Variants in CD38 observed in about 807,000 individuals in gnomAD.
CD38 encodes the protein CD38 molecule.
Under a neutral mutation model 36.3 loss-of-function variants are expected in CD38, and 31 were observed. That is an observed-to-expected ratio of 0.85 (90% CI 0.64 to 1.15). CD38 has a LOEUF of 1.15. CD38 is among the 50% of genes most tolerant of loss of function. The pLI, the probability that CD38 is intolerant of heterozygous loss-of-function variation, is 0.00. For missense variants in CD38, 380 were observed against 371.9 expected (o/e 1.02, Z -0.18); for synonymous variants, 131 against 135.2 (o/e 0.97, Z 0.22).
intron 1 of CD38, among the ~76,000 whole-genome samples, chr4:15,810,665 T>G (rs1295212059): frequency 6.6e-6 from 1 of 152,198 alleles, no homozygotes; most frequent in Non-Finnish European, 1.5e-5. Flanking sequence ...AGGTTGATAA[T>G]GGTTTCCTGG....
chr4:15,787,117 C>T (rs1040710923), intron 1 of CD38, among the ~76,000 whole-genome samples: 1 of 152,210 alleles, frequency 6.6e-6, no homozygotes, highest in Non-Finnish European at 1.5e-5. Context: ...CAGAGGGAGC[C>T]GACTCCGGCC....
chr4:15,814,870 G>A (rs1421193121), intron 1 of CD38, among the ~76,000 whole-genome samples: 4 of 151,214 alleles, frequency 2.6e-5, no homozygotes, highest in Non-Finnish European at 4.4e-5. Flanking sequence ...GCAGTGGCAC[G>A]ATCTCGGCTC....
chr4:15,834,261 A>C lies in CD38; in HGVS notation c.544A>C (p.Asn182His), dbSNP rs747378929. The change falls in exon 4 of 8, where the codon AAC becomes CAC. Residue 182 changes from asparagine to histidine, a missense_variant. By Grantham distance (68) the Asn-to-His change is moderately conservative. Coordinates refer to ENST00000226279, the MANE Select transcript of CD38 (RefSeq NM_001775.4). ...CCCAGACTGGAGAAAGGACTGCAGC[A>C]ACAACCCTGTTTCAGTATTCTGGAA... is the stretch of plus-strand genomic sequence containing the variant. ...SCPDWRKDCS[N>H]NPVSVFWKTV... is the part of the protein sequence containing the mutation. 6.2e-7 allele frequency: 1 copy of C among 1,613,304 alleles called. No individual in the cohort carries two copies. Among genetic ancestry groups the C allele is most frequent in the Non-Finnish European group, 8.5e-7 (1 of 1,179,192 alleles).
Position 15,841,707 on chromosome 4 carries a change from C to G in CD38, c.839+1169C>G, listed in dbSNP as rs920420789. Among the ~76,000 whole-genome samples, 53 of 149,188 alleles carry G rather than the reference C, an allele frequency of 3.6e-4. 1 individual carries two copies. Among genetic ancestry groups the G allele is most frequent in the Non-Finnish European group, 6.8e-4 (46 of 67,668 alleles). ...GGCGCAGGCCAGTGTGTGTGCACAC[C>G]GTGCGCGAGCCGAAGCAGGGCGAGG... On this transcript the variant is annotated intron_variant, in intron 7 of 7. Coordinates refer to ENST00000226279, the MANE Select transcript of CD38 (RefSeq NM_001775.4).
chr4:15,831,911 CAAT>C (rs1248537528), intron 3 of CD38, among the ~76,000 whole-genome samples: 4 of 152,140 alleles, frequency 2.6e-5, no homozygotes, highest in African/African-American at 9.7e-5. Context: ...TCTTTGACAC[CAAT>C]AACTCTTGGA....
intron 1 of CD38, among the ~76,000 whole-genome samples, chr4:15,811,890 T>C (rs1723482074): frequency 6.6e-6 from 1 of 152,220 alleles, no homozygotes; most frequent in Non-Finnish European, 1.5e-5. Context: ...TGGTAAGGTA[T>C]GGTAAGGGTC....
chr4:15,837,842 C>T (rs1027025811), intron 4 of CD38, among the ~76,000 whole-genome samples: 4 of 152,210 alleles, frequency 2.6e-5, no homozygotes, highest in African/African-American at 9.7e-5. Context: ...CACTGAACCA[C>T]CAGCTCTATG....
intron 1 of CD38, among the ~76,000 whole-genome samples, chr4:15,812,177 C>A (rs1010124905): frequency 6.6e-6 from 1 of 152,076 alleles, no homozygotes; most frequent in Non-Finnish European, 1.5e-5. Context: ...TATGCCAGTA[C>A]CAATTATCTT....
At chr4:15,809,474 G>A (rs1180297784) in intron 1 of CD38, among the ~76,000 whole-genome samples, 1 of 152,180 alleles carries the variant, frequency 6.6e-6, no homozygotes, top group Non-Finnish European at 1.5e-5. Context: ...AGAATCGTTT[G>A]GGAGACCTTT....
rs1326713767 is a variant in CD38, at chr4:15,850,970, A to G, written c.*2368A>G. ...CCCTTGAAGTGGCTGCCTGGGCCAC[A>G]TCCCCTTCCAAACAAGAAATCAAAA... On this transcript the variant is annotated 3_prime_UTR_variant, in exon 8 of 8. Coordinates refer to ENST00000226279, the MANE Select transcript of CD38 (RefSeq NM_001775.4). 1 of 152,214 alleles carries G rather than the reference A, an allele frequency of 6.6e-6. No homozygotes were observed. Among genetic ancestry groups the G allele is most frequent in the Non-Finnish European group, 1.5e-5 (1 of 68,058 alleles). 9.4% of individuals were successfully genotyped at this position (152,214 alleles called of 1,614,324 possible).
At chr4:15,800,382 T>A (rs1018618623) in intron 1 of CD38, among the ~76,000 whole-genome samples, 1 of 152,206 alleles carries the variant, frequency 6.6e-6, no homozygotes, top group Non-Finnish European at 1.5e-5. Flanking sequence ...ACCACCAAAC[T>A]GTTTTATAAG....
intron 1 of CD38, among the ~76,000 whole-genome samples, chr4:15,781,646 T>G (rs899668345): frequency 6.6e-6 from 1 of 152,180 alleles, no homozygotes; most frequent in Admixed American, 6.5e-5. Flanking sequence ...CACCACATTA[T>G]GAAGGGTAAC....
At chr4:15,838,997 T>G (rs1369742493) in intron 5 of CD38, among the ~76,000 whole-genome samples, 1 of 152,224 alleles carries the variant, frequency 6.6e-6, no homozygotes, top group Non-Finnish European at 1.5e-5. Flanking sequence ...TGATTACCTT[T>G]TCGGCCTTTG....
chr4:15,803,419 TAAC>T (rs1216733747), intron 1 of CD38, among the ~76,000 whole-genome samples: 2 of 152,110 alleles, frequency 1.3e-5, no homozygotes, highest in Non-Finnish European at 2.9e-5. Context: ...ACAAGGAACT[TAAC>T]AGCAAAAAGC....
chr4:15,786,643 A>C (rs1258022017), intron 1 of CD38, among the ~76,000 whole-genome samples: 1 of 152,244 alleles, frequency 6.6e-6, no homozygotes, highest in East Asian at 1.9e-4. Flanking sequence ...CCAAGTCCCC[A>C]CTAGACTCAG....
chr4:15,785,295 T>C (rs540017346), intron 1 of CD38, among the ~76,000 whole-genome samples: 6 of 152,244 alleles, frequency 3.9e-5, no homozygotes, highest in South Asian at 2.1e-4. Context: ...TAGAATCTTC[T>C]TGAAGCAAAG....
chr4:15,803,397 T>C (rs1723270688), intron 1 of CD38, among the ~76,000 whole-genome samples: 1 of 152,214 alleles, frequency 6.6e-6, no homozygotes, highest in South Asian at 2.1e-4. Context: ...AAGGAATTAA[T>C]ATCTAGAATA....
rs954113486 is a variant in CD38, at chr4:15,794,185, T to G, written c.233+15538T>G. On this transcript the variant is annotated intron_variant, in intron 1 of 7. Transcript: ENST00000226279. ...ATCATCCCTTTGTCCAGCATATCCA[T>G]GCTGCATGTTGTACCTGCCTGTTAC... 2.0e-5 allele frequency among the ~76,000 whole-genome samples: 3 copies of G among 152,246 alleles called. No individual in the cohort carries two copies. The East Asian group carries it at 5.8e-4, about 29-fold the overall frequency.
chr4:15,813,477 G>C (rs930426612), intron 1 of CD38, among the ~76,000 whole-genome samples: 1 of 152,052 alleles, frequency 6.6e-6, no homozygotes, highest in Non-Finnish European at 1.5e-5. Context: ...TGTGCAGAAC[G>C]TGCAGGTTTG....
Sources: gnomAD v4.1 joint callset for allele counts (sites outside exome capture counted in the v4.1 genomes callset) on GRCh38, gnomAD v4.1.1 for gene constraint, MANE v1.5 for transcripts, NCBI Gene and HGNC (gene_info 2026-07-23, HGNC 2026-07-21) for gene names.